The following AOPEP variants were observed in gnomAD, a reference collection of about 807,000 sequenced individuals.
The protein encoded by AOPEP is aminopeptidase O.
Under a neutral mutation model 98.1 loss-of-function variants are expected in AOPEP, and 77 were observed. The observed-to-expected ratio is 0.78, with a 90% CI of 0.65 to 0.95. The LOEUF (loss-of-function observed/expected upper bound fraction) is 0.95, where lower values mean the gene tolerates loss of function less well. Ranked by LOEUF, AOPEP falls within the 40% of genes least tolerant of loss-of-function variation. The pLI is 0.00. For missense variants in AOPEP, 1,024 were observed against 1,024.7 expected (o/e 1.00, Z 0.01); for synonymous variants, 346 against 365.3 (o/e 0.95, Z 0.60).
At chr9:95,085,018 G>A (rs1326735214) in intron 16 of AOPEP, among the ~76,000 whole-genome samples, 1 of 152,222 alleles carries the variant, frequency 6.6e-6, no homozygotes, top group East Asian at 1.9e-4. Flanking sequence ...TTCCAAAGCT[G>A]CACTGGCATT....
At chr9:94,835,716 C>G (rs1475159714) in intron 5 of AOPEP, among the ~76,000 whole-genome samples, 1 of 152,194 alleles carries the variant, frequency 6.6e-6, no homozygotes, top group Non-Finnish European at 1.5e-5. Context: ...AACGGTTTTT[C>G]TTTTTGCTTC....
At chr9:95,085,371 T>C in intron 16 of AOPEP, 1 of 495,638 alleles carries the variant, frequency 2.0e-6, no homozygotes, top group Admixed American at 2.2e-5. Context: ...GTAGCTCTTC[T>C]TTGGAAACAA....
At chr9:95,103,785 A>C in the AOPEP span, among the ~76,000 whole-genome samples, 1 of 152,228 alleles carries the variant, frequency 6.6e-6, no homozygotes, top group Non-Finnish European at 1.5e-5. Flanking sequence ...AGCTCACTGC[A>C]GAGGCCACAC....
chr9:95,042,026 T>C (rs1254503674), intron 13 of AOPEP, among the ~76,000 whole-genome samples: 1 of 152,082 alleles, frequency 6.6e-6, no homozygotes, highest in African/African-American at 2.4e-5. Flanking sequence ...TTAAAGGATG[T>C]CATTGGCCAG....
chr9:94,819,976 C>T (rs1218281384), intron 5 of AOPEP, among the ~76,000 whole-genome samples: 13 of 123,176 alleles, frequency 1.1e-4, no homozygotes, highest in East Asian at 4.8e-4. Context: ...GATGGAGTCT[C>T]GCTTTGTCAC....
chr9:95,016,241 T>C (rs922258856), intron 13 of AOPEP, among the ~76,000 whole-genome samples: 1 of 134,072 alleles, frequency 7.5e-6, no homozygotes, highest in Non-Finnish European at 1.6e-5. Flanking sequence ...TTCCTTCTCT[T>C]GTGATTTTTT....
chr9:95,071,354 G>A (rs1271527608), intron 14 of AOPEP, among the ~76,000 whole-genome samples: 1 of 142,578 alleles, frequency 7.0e-6, no homozygotes, highest in Non-Finnish European at 1.5e-5. Flanking sequence ...TTGAATTTGG[G>A]ATGCTGAATA....
intron 13 of AOPEP, among the ~76,000 whole-genome samples, chr9:95,032,898 C>CATGT (rs2064443985): frequency 6.6e-6 from 1 of 152,136 alleles, no homozygotes; most frequent in Non-Finnish European, 1.5e-5. Context: ...TGGGCATGTG[C>CATGT]ATGTATAGGT....
chr9:95,129,619 ATC>A, the AOPEP span, among the ~76,000 whole-genome samples: 1 of 152,124 alleles, frequency 6.6e-6, no homozygotes, highest in African/African-American at 2.4e-5. Context: ...TGTGGTTTCC[ATC>A]TGTTTGTTTT....
intron 5 of AOPEP, among the ~76,000 whole-genome samples, chr9:94,802,515 A>G (rs1848413606): frequency 6.6e-6 from 1 of 152,218 alleles, no homozygotes; most frequent in Non-Finnish European, 1.5e-5. Flanking sequence ...TGCATGCCCA[A>G]GCAGGTAGGC....
In AOPEP at chr9:94,853,289, A is replaced by G. The variant is rs1003570250; in HGVS notation, c.1364+52287A>G. ...AGCCTGGTAAACATGGTGAAACCCT[A>G]TCTCCACTAAAAATACAAAAATTAG... On this transcript the variant is annotated intron_variant, in intron 5 of 16. Coordinates refer to ENST00000375315, the MANE Select transcript of AOPEP (RefSeq NM_001193329.3). 2.0e-5 allele frequency among the ~76,000 whole-genome samples: 3 copies of G among 152,236 alleles called. No individual in the cohort carries two copies. In the East Asian group the frequency reaches 5.8e-4, roughly 29 times the overall value.
At chr9:95,104,054 C>T in the AOPEP span, among the ~76,000 whole-genome samples, 5 of 152,148 alleles carry the variant, frequency 3.3e-5, no homozygotes, top group African/African-American at 1.2e-4. Flanking sequence ...GGCCGTCCCA[C>T]CAAAGCAACC....
At chr9:94,964,050 AT>A (rs2059026358) in intron 9 of AOPEP, among the ~76,000 whole-genome samples, 1 of 152,354 alleles carries the variant, frequency 6.6e-6, no homozygotes, top group African/African-American at 2.4e-5. Flanking sequence ...GACTGCCTGG[AT>A]GAGACCAGCT....
intron 5 of AOPEP, among the ~76,000 whole-genome samples, chr9:94,902,369 G>A (rs1296298150): frequency 6.6e-6 from 1 of 152,154 alleles, no homozygotes; most frequent in Non-Finnish European, 1.5e-5. Flanking sequence ...AGGGTCAACT[G>A]CTAAAACACA....
intron 11 of AOPEP, among the ~76,000 whole-genome samples, chr9:94,993,710 T>C (rs186070674): frequency 1.7e-4 from 26 of 152,162 alleles, no homozygotes; most frequent in Admixed American, 1.4e-3. Flanking sequence ...TCCGTAAGAG[T>C]GTTACCAGCA....
chr9:94,774,221 A>G (rs1221614458), intron 3 of AOPEP, among the ~76,000 whole-genome samples: 2 of 148,536 alleles, frequency 1.3e-5, no homozygotes, highest in Non-Finnish European at 3.0e-5. Flanking sequence ...CTGAGGCAGG[A>G]GAATGGCGTG....
intron 7 of AOPEP, chr9:94,931,863 C>T: frequency 7.2e-7 from 1 of 1,394,828 alleles, no homozygotes; most frequent in Non-Finnish European, 9.8e-7. Flanking sequence ...CCTTGAGTTC[C>T]CTCTGCCTCT....
At chr9:94,758,583 AATG>A (rs1837565059) in intron 1 of AOPEP, among the ~76,000 whole-genome samples, 1 of 152,202 alleles carries the variant, frequency 6.6e-6, no homozygotes. Flanking sequence ...TCAAGCAAGT[AATG>A]ATGTTTTGCA....
chr9:94,932,250 G>A (rs2055449093), intron 7 of AOPEP: 1 of 985,582 alleles, frequency 1.0e-6, no homozygotes, highest in Non-Finnish European at 1.2e-6. Context: ...TTTAACACAT[G>A]AAGTATGTGT....
Sources: allele counts gnomAD v4.1 joint callset (sites outside exome capture counted in the v4.1 genomes callset), GRCh38; gene constraint gnomAD v4.1.1; transcripts MANE v1.5; gene names NCBI Gene and HGNC (gene_info 2026-07-23, HGNC 2026-07-21).